Variants in C10orf90 observed in about 807,000 individuals in gnomAD.
C10orf90 encodes the protein (E2-independent) E3 ubiquitin-conjugating enzyme FATS.
C10orf90 carries 56 observed loss-of-function variants against 62.5 expected under a neutral mutation model. The observed-to-expected ratio is 0.90, with a 90% CI of 0.72 to 1.12. The LOEUF is 1.12. Ranked by LOEUF, C10orf90 falls within the 50% of genes most tolerant of loss-of-function variation. The pLI is 0.00. For synonymous variants in C10orf90, 386 were observed against 340.4 expected, an observed-to-expected ratio of 1.13 and a Z score of -1.47; for missense variants, 970 against 880.4, an observed-to-expected ratio of 1.10 and a Z score of -1.29.
At chr10:126,552,965 G>A (rs1455636123) in intron 2 of C10orf90, among the ~76,000 whole-genome samples, 1 of 152,040 alleles carries the variant, frequency 6.6e-6, no homozygotes, top group East Asian at 1.9e-4. Flanking sequence ...ACATCGGTTG[G>A]GGGAAAAAAA....
chr10:126,621,881 T>A (rs1845650147), intron 2 of C10orf90, among the ~76,000 whole-genome samples: 1 of 152,220 alleles, frequency 6.6e-6, no homozygotes, highest in South Asian at 2.1e-4. Flanking sequence ...TCAGCAATAT[T>A]GAATGCACTG....
intron 4 of C10orf90, among the ~76,000 whole-genome samples, chr10:126,493,669 T>C (rs1861883853): frequency 6.6e-6 from 1 of 152,176 alleles, no homozygotes; most frequent in Admixed American, 6.5e-5. Flanking sequence ...TTTTGCTTTT[T>C]CAATAAGAAA....
intron 2 of C10orf90, among the ~76,000 whole-genome samples, chr10:126,546,567 C>A (rs1050532862): frequency 2.0e-4 from 30 of 152,130 alleles, no homozygotes; most frequent in Non-Finnish European, 4.0e-4. Flanking sequence ...AGTAAGGAGG[C>A]ACTCCTAAGC....
chr10:126,521,449 G>A (rs1008809047), intron 2 of C10orf90: 4 of 1,521,806 alleles, frequency 2.6e-6, no homozygotes, highest in East Asian at 2.4e-5. Context: ...AATGAGTCAG[G>A]CTTCCACCTT....
rs1005689914 is a variant in C10orf90, at chr10:126,602,845, G to C, written c.313+43720C>G. Reference sequence around the variant, plus strand: ...GTGGGTCTTGGATTCCATGAAATGTGGTCATGTCTATTCATCCTCTTGTTG... The same window carrying C: ...GTGGGTCTTGGATTCCATGAAATGTCGTCATGTCTATTCATCCTCTTGTTG... On this transcript the variant is annotated intron_variant, in intron 2 of 9. Coordinates refer to ENST00000488181, the MANE Select transcript of C10orf90 (RefSeq NM_001350921.2). 2.0e-5 allele frequency among the ~76,000 whole-genome samples: 3 copies of C among 151,212 alleles called. No individual in the cohort carries two copies. In the South Asian group the frequency reaches 6.3e-4, roughly 32 times the overall value.
intron 2 of C10orf90, among the ~76,000 whole-genome samples, chr10:126,547,287 C>CG (rs1864519697): frequency 6.6e-6 from 1 of 151,568 alleles, no homozygotes; most frequent in Non-Finnish European, 1.5e-5. Context: ...GGCGTGGTGG[C>CG]GGGCGCCTGT....
At chr10:126,572,802 C>A (rs1461995731) in intron 2 of C10orf90, among the ~76,000 whole-genome samples, 1 of 152,066 alleles carries the variant, frequency 6.6e-6, no homozygotes, top group Admixed American at 6.5e-5. Context: ...CTATGGTTCA[C>A]ATGCCTCTGA....
chr10:126,565,386 T>A (rs1844352382), intron 2 of C10orf90, among the ~76,000 whole-genome samples: 2 of 78,504 alleles, frequency 2.5e-5, no homozygotes, highest in East Asian at 3.2e-4. Context: ...ATAATATATA[T>A]TATATATATT....
chr10:126,516,186 T>C (rs1863429168), intron 2 of C10orf90, among the ~76,000 whole-genome samples: 2 of 152,220 alleles, frequency 1.3e-5, no homozygotes, highest in Admixed American at 1.3e-4. Context: ...TTTCTTCTTT[T>C]ATAAAATGCA....
At chr10:126,563,611 T>C (rs1257349101) in intron 2 of C10orf90, among the ~76,000 whole-genome samples, 1 of 152,216 alleles carries the variant, frequency 6.6e-6, no homozygotes, top group Non-Finnish European at 1.5e-5. Context: ...TCCACATTGA[T>C]GGCTGTGATA....
chr10:126,515,107 T>G (rs1304802216), intron 2 of C10orf90, among the ~76,000 whole-genome samples: 3 of 152,260 alleles, frequency 2.0e-5, no homozygotes, highest in African/African-American at 4.8e-5. Context: ...AGTCACGCTC[T>G]GCATGACAAC....
chr10:126,589,890 T>A (rs1244554592), intron 2 of C10orf90, among the ~76,000 whole-genome samples: 2 of 152,128 alleles, frequency 1.3e-5, no homozygotes, highest in African/African-American at 4.8e-5. Flanking sequence ...AATGCTCCAA[T>A]TAAGACACAG....
chr10:126,641,873 G>C lies in C10orf90; in HGVS notation c.313+4692C>G, dbSNP rs59137748. 3.3e-3 allele frequency among the ~76,000 whole-genome samples: 508 copies of C among 152,210 alleles called. 3 individuals are homozygous for C. Among genetic ancestry groups the C allele is most frequent in the African/African-American group, 0.012 (497 of 41,540 alleles). The stretch of plus-strand genomic sequence containing the variant: ...CAACAGATTTCAAAGGCCCTGCCAG[G>C]AGGACAATTTAACTATAAGAAATCC... On this transcript the variant is annotated intron_variant, in intron 2 of 9. Transcript: ENST00000488181.
At chr10:126,505,136 A>C (rs1247125691) in intron 3 of C10orf90, 51 bp from the exon 4 acceptor site, 1 of 1,540,008 alleles carries the variant, frequency 6.5e-7, no homozygotes, top group Admixed American at 1.9e-5. Context: ...TGAAATATAG[A>C]CAGTAAACTC....
intron 7 of C10orf90, among the ~76,000 whole-genome samples, chr10:126,458,762 C>G (rs925670118): frequency 5.3e-5 from 8 of 152,140 alleles, no homozygotes; most frequent in African/African-American, 1.9e-4. Context: ...AACTTGCTAC[C>G]CTGGCTGCTA....
chr10:126,642,392 C>T (rs527945398), intron 2 of C10orf90, among the ~76,000 whole-genome samples: 68 of 152,076 alleles, frequency 4.5e-4, no homozygotes, highest in Middle Eastern at 3.4e-3. Context: ...ATTAGCCGGG[C>T]GTGGTGGCGG....
chr10:126,497,706 A>T (rs1413683140), intron 4 of C10orf90, among the ~76,000 whole-genome samples: 2 of 152,234 alleles, frequency 1.3e-5, no homozygotes, highest in African/African-American at 2.4e-5. Context: ...AAAGGCCCAG[A>T]TAGTAAAAAT....
chr10:126,604,790 C>A (rs535655851), intron 2 of C10orf90, among the ~76,000 whole-genome samples: 33 of 152,326 alleles, frequency 2.2e-4, no homozygotes, highest in African/African-American at 7.7e-4. Context: ...CTACATGGAT[C>A]CATTTTAATA....
intron 1 of C10orf90, among the ~76,000 whole-genome samples, chr10:126,663,059 T>A (rs1465528410): frequency 6.6e-6 from 1 of 152,206 alleles, no homozygotes; most frequent in African/African-American, 2.4e-5. Flanking sequence ...CCCAGGTGTT[T>A]CCTCTTTAAT....
Sources: allele counts gnomAD v4.1 joint callset (sites outside exome capture counted in the v4.1 genomes callset), GRCh38; gene constraint gnomAD v4.1.1; transcripts MANE v1.5; gene names NCBI Gene and HGNC (gene_info 2026-07-23, HGNC 2026-07-21).